The following NKAIN2 variants were observed in gnomAD, a reference collection of about 807,000 sequenced individuals.
NKAIN2 encodes sodium/potassium-transporting ATPase subunit beta-1-interacting protein 2.
A neutral mutation model predicts 32.6 loss-of-function variants in NKAIN2; 14 were observed. The observed-to-expected ratio is 0.43, with a 90% CI of 0.28 to 0.67. The LOEUF (loss-of-function observed/expected upper bound fraction) is 0.67, where lower values mean the gene tolerates loss of function less well. Among genes scored for constraint, NKAIN2 ranks in the 30% least tolerant of loss-of-function variants. NKAIN2 has a pLI of 0.17. For synonymous variants in NKAIN2, 80 were observed against 87.2 expected (o/e 0.92, Z 0.46); for missense variants, 198 against 258.3 (o/e 0.77, Z 1.60).
chr6:124,750,455 G>T (rs186968750), intron 4 of NKAIN2, among the ~76,000 whole-genome samples: 1 of 151,896 alleles, frequency 6.6e-6, no homozygotes, highest in Non-Finnish European at 1.5e-5. Context: ...CATAGCACCT[G>T]GCAAAGGTAC....
chr6:124,398,030 G>A (rs1366367868), intron 3 of NKAIN2, among the ~76,000 whole-genome samples: 1 of 151,650 alleles, frequency 6.6e-6, no homozygotes, highest in Non-Finnish European at 1.5e-5. Flanking sequence ...GAGGCGGGCG[G>A]ATCACGAGGT....
At chr6:124,136,024 C>G (rs977544383) in intron 1 of NKAIN2, among the ~76,000 whole-genome samples, 1 of 151,026 alleles carries the variant, frequency 6.6e-6, no homozygotes, top group Non-Finnish European at 1.5e-5. Flanking sequence ...AAAGCAATAA[C>G]AAAGATCAGA....
intron 4 of NKAIN2, among the ~76,000 whole-genome samples, chr6:124,710,264 T>G (rs1775371242): frequency 6.6e-6 from 1 of 152,158 alleles, no homozygotes; most frequent in Non-Finnish European, 1.5e-5. Context: ...TGTGGTCAAT[T>G]TTGGAATAGG....
intron 1 of NKAIN2, among the ~76,000 whole-genome samples, chr6:124,049,270 G>T (rs1782289549): frequency 1.3e-5 from 2 of 151,984 alleles, no homozygotes; most frequent in Non-Finnish European, 2.9e-5. Flanking sequence ...AATACTAAAT[G>T]ATTATGAAAA....
intron 1 of NKAIN2, among the ~76,000 whole-genome samples, chr6:123,842,631 A>G (rs1774920249): frequency 6.6e-6 from 1 of 152,064 alleles, no homozygotes; most frequent in African/African-American, 2.4e-5. Flanking sequence ...AGCAAGTGGA[A>G]TCTTTGGCAA....
chr6:124,735,525 T>A (rs1441441400), intron 4 of NKAIN2, among the ~76,000 whole-genome samples: 1 of 151,902 alleles, frequency 6.6e-6, no homozygotes, highest in Non-Finnish European at 1.5e-5. Context: ...ATATCTTGTT[T>A]TATTGGGCTT....
At chr6:124,464,042 G>A (rs916824781) in intron 3 of NKAIN2, among the ~76,000 whole-genome samples, 14 of 151,994 alleles carry the variant, frequency 9.2e-5, no homozygotes, top group African/African-American at 3.4e-4. Context: ...GAGTGCAGTG[G>A]CATGATCTCG....
At chr6:124,620,195 G>C (rs1783055503) in intron 3 of NKAIN2, among the ~76,000 whole-genome samples, 1 of 152,038 alleles carries the variant, frequency 6.6e-6, no homozygotes, top group Non-Finnish European at 1.5e-5. Flanking sequence ...TTTTAGATAA[G>C]TATTACTTCT....
intron 1 of NKAIN2, among the ~76,000 whole-genome samples, chr6:124,278,959 T>G (rs1310444092): frequency 6.6e-6 from 1 of 152,022 alleles, no homozygotes; most frequent in Admixed American, 6.6e-5. Context: ...ATGCAGCATG[T>G]GCTAATGTAT....
chr6:124,717,225 T>TCA (rs2114621854), intron 4 of NKAIN2, among the ~76,000 whole-genome samples: 1 of 152,344 alleles, frequency 6.6e-6, no homozygotes, highest in Admixed American at 6.5e-5. Flanking sequence ...TGTAAAATTA[T>TCA]TCTATAAATT....
chr6:124,170,541 C>T (rs1454929177), intron 1 of NKAIN2, among the ~76,000 whole-genome samples: 1 of 152,108 alleles, frequency 6.6e-6, no homozygotes, highest in Non-Finnish European at 1.5e-5. Flanking sequence ...TGTGCTGTAA[C>T]TCATTAGAGA....
rs528988919 is a variant in NKAIN2 at position 124,413,019 on chromosome 6, G to T, written c.273+57672G>T. On this transcript the variant is annotated intron_variant, in intron 3 of 6. Coordinates refer to ENST00000368417, the MANE Select transcript of NKAIN2 (RefSeq NM_001040214.3). ...TGGTGTGCCGTTTGTTAAGCCCGTT[G>T]GAAAAGTGCAGTATTAAAGTGGGAG... Among the ~76,000 whole-genome samples, 3 of 152,256 alleles carry T rather than the reference G, an allele frequency of 2.0e-5. No homozygotes were observed. The East Asian group carries it at 5.8e-4, about 30-fold the overall frequency.
At chr6:124,057,860 G>T (rs747407727) in intron 1 of NKAIN2, among the ~76,000 whole-genome samples, 2 of 151,914 alleles carry the variant, frequency 1.3e-5, no homozygotes, top group East Asian at 3.9e-4. Context: ...TAATGCACTA[G>T]GAGTATAGAG....
chr6:124,138,508 A>T (rs1786949483), intron 1 of NKAIN2, among the ~76,000 whole-genome samples: 1 of 152,018 alleles, frequency 6.6e-6, no homozygotes, highest in African/African-American at 2.4e-5. Context: ...AGAGGAAAAG[A>T]AGTCATTATA....
rs1369150380 is a variant in NKAIN2, at chr6:123,976,276, T to C, written c.54+172022T>C. Among the ~76,000 whole-genome samples the C allele has an allele frequency of 3.2e-5, 4 of 123,216 alleles. 1 individual carries two copies. Among genetic ancestry groups the C allele is most frequent in the African/African-American group, 8.6e-5 (3 of 35,032 alleles). 80.8% of individuals were successfully genotyped at this position (123,216 alleles called of 152,430 possible). ...ATATATATATATATGTTTCCATATA[T>C]ATGTTTCCATATATATGTTTCCATA... is the stretch of plus-strand genomic sequence containing the variant. On this transcript the variant is annotated intron_variant, in intron 1 of 6. Transcript: ENST00000368417.
At chr6:124,386,721 A>G (rs934767654) in intron 3 of NKAIN2, among the ~76,000 whole-genome samples, 2 of 152,172 alleles carry the variant, frequency 1.3e-5, no homozygotes, top group African/African-American at 4.8e-5. Context: ...CTCTTCAATT[A>G]GGGCATGGAC....
chr6:124,608,474 A>G (rs1302838276), intron 3 of NKAIN2, among the ~76,000 whole-genome samples: 3 of 152,118 alleles, frequency 2.0e-5, no homozygotes, highest in African/African-American at 7.2e-5. Context: ...CAATAATTCA[A>G]ATATCTGCTA....
intron 1 of NKAIN2, among the ~76,000 whole-genome samples, chr6:123,948,844 T>C (rs1372114774): frequency 6.6e-6 from 1 of 151,944 alleles, no homozygotes. Flanking sequence ...CCTAGTACAA[T>C]GTCCTGAAGT....
At chr6:124,379,484 T>C (rs558005749) in intron 3 of NKAIN2, among the ~76,000 whole-genome samples, 6 of 152,148 alleles carry the variant, frequency 3.9e-5, no homozygotes, top group African/African-American at 1.4e-4. Flanking sequence ...CTTATAAATT[T>C]AGTTTCTAAT....
Sources: gnomAD v4.1 joint callset for allele counts (sites outside exome capture counted in the v4.1 genomes callset) on GRCh38, gnomAD v4.1.1 for gene constraint, MANE v1.5 for transcripts, NCBI Gene and HGNC (gene_info 2026-07-23, HGNC 2026-07-21) for gene names.